GPHN: variants seen among roughly 807,000 people sequenced by gnomAD.
The protein encoded by GPHN is gephyrin.
Under a neutral mutation model 95.5 loss-of-function variants are expected in GPHN, and 17 were observed. The ratio of observed to expected loss-of-function variants is 0.18; its 90% CI spans 0.12 to 0.27. The LOEUF (loss-of-function observed/expected upper bound fraction) is 0.27. Among genes scored for constraint, GPHN ranks in the 10% least tolerant of loss-of-function variants. GPHN has a pLI of 1.00. For synonymous variants in GPHN, 320 were observed against 322.5 expected (o/e 0.99, Z 0.08); for missense variants, 660 against 978.1 (o/e 0.67, Z 4.34).
the GPHN span, chr14:67,651,526 C>T: frequency 1.2e-6 from 2 of 1,603,798 alleles, no homozygotes; most frequent in Non-Finnish European, 1.7e-6. Context: ...GTTTGGATAA[C>T]CTTCCTTCTA....
At position 67,097,895 on chromosome 14, in the gene GPHN, T is replaced by C. The variant is rs143983433; in HGVS notation, c.1238-2961T>C. ...ACATATATAACATATACAGTACATA[T>C]AAATATACATACATACACGTATATA... On this transcript the variant is annotated intron_variant, in intron 12 of 22. Transcript: ENST00000478722. Among the ~76,000 whole-genome samples the C allele has an allele frequency of 2.1e-3, 321 of 152,234 alleles. 1 individual carries two copies. Among genetic ancestry groups the C allele is most frequent in the African/African-American group, 7.2e-3 (301 of 41,560 alleles).
intron 3 of GPHN, among the ~76,000 whole-genome samples, chr14:66,808,872 A>T (rs915968288): frequency 1.3e-5 from 2 of 152,228 alleles, no homozygotes; most frequent in Admixed American, 1.3e-4. Flanking sequence ...TTCCAACCAG[A>T]GTGTCAAGGA....
intron 3 of GPHN, among the ~76,000 whole-genome samples, chr14:66,796,176 A>ATGGC (rs2153474148): frequency 6.6e-6 from 1 of 152,200 alleles, no homozygotes; most frequent in Admixed American, 6.5e-5. Flanking sequence ...ATTCTTTTTT[A>ATGGC]TGGCTGAATT....
At chr14:67,317,947 G>T in the GPHN span, among the ~76,000 whole-genome samples, 1 of 152,202 alleles carries the variant, frequency 6.6e-6, no homozygotes, top group Admixed American at 6.5e-5. Flanking sequence ...CTCTGATAAT[G>T]TTGGGCTAGT....
chr14:67,279,365 C>A, the GPHN span: 2 of 1,613,628 alleles, frequency 1.2e-6, no homozygotes, highest in African/African-American at 2.7e-5. Flanking sequence ...AACAGGAGGA[C>A]ATGAGGCGTA....
chr14:67,412,260 A>G, the GPHN span: 3 of 465,934 alleles, frequency 6.4e-6, no homozygotes, highest in Non-Finnish European at 1.1e-5. Flanking sequence ...TTCTGACGTG[A>G]CGTTTCCACC....
chr14:66,608,225 C>T (rs2062632479), intron 1 of GPHN, among the ~76,000 whole-genome samples: 1 of 151,560 alleles, frequency 6.6e-6, no homozygotes, highest in Non-Finnish European at 1.5e-5. Flanking sequence ...TGGTTTCTGC[C>T]TTCATTTCAT....
the GPHN span, chr14:67,562,939 C>T: frequency 5.1e-6 from 8 of 1,569,584 alleles, no homozygotes; most frequent in Non-Finnish European, 6.9e-6. Flanking sequence ...GAGCTAATGG[C>T]AAGAACACTG....
chr14:66,701,257 C>T (rs1371666711), intron 2 of GPHN, among the ~76,000 whole-genome samples: 7 of 151,854 alleles, frequency 4.6e-5, no homozygotes, highest in African/African-American at 1.2e-4. Context: ...GCATATTTCT[C>T]TTTTTTTTAC....
the GPHN span, among the ~76,000 whole-genome samples, chr14:67,421,552 A>G: frequency 6.6e-6 from 1 of 152,184 alleles, no homozygotes; most frequent in African/African-American, 2.4e-5. Context: ...AGAAAAAGTG[A>G]TGACGGCAGC....
At chr14:67,102,049 T>G (rs1030792445) in intron 13 of GPHN, among the ~76,000 whole-genome samples, 8 of 151,820 alleles carry the variant, frequency 5.3e-5, no homozygotes, top group African/African-American at 1.9e-4. Context: ...TTTTTTTGTA[T>G]TTTTAGTAGA....
At chr14:67,641,623 G>T in the GPHN span, among the ~76,000 whole-genome samples, 1 of 152,120 alleles carries the variant, frequency 6.6e-6, no homozygotes, top group Non-Finnish European at 1.5e-5. Flanking sequence ...GTTTCAGATT[G>T]GCTATTTATA....
intron 2 of GPHN, among the ~76,000 whole-genome samples, chr14:66,748,473 C>T (rs1037654295): frequency 1.3e-5 from 2 of 151,940 alleles, no homozygotes; most frequent in Non-Finnish European, 2.9e-5. Context: ...CCATTATCAA[C>T]ATTCTTTACC....
chr14:67,045,722 T>G (rs1157506881), intron 10 of GPHN, among the ~76,000 whole-genome samples: 1 of 151,586 alleles, frequency 6.6e-6, no homozygotes, highest in African/African-American at 2.4e-5. Flanking sequence ...TCTCTCTCTG[T>G]CTGTCTCTCT....
intron 10 of GPHN, among the ~76,000 whole-genome samples, chr14:67,036,683 T>G (rs1326115452): frequency 6.6e-6 from 1 of 151,634 alleles, no homozygotes; most frequent in Non-Finnish European, 1.5e-5. Context: ...AAAATCCCAT[T>G]TACAATAGCA....
At chr14:66,655,981 A>G (rs182305797) in intron 1 of GPHN, among the ~76,000 whole-genome samples, 1 of 152,224 alleles carries the variant, frequency 6.6e-6, no homozygotes. Context: ...TTTTATATGT[A>G]ATTCTGAATT....
intron 17 of GPHN, among the ~76,000 whole-genome samples, chr14:67,122,724 A>G (rs2079081755): frequency 6.6e-6 from 1 of 152,222 alleles, no homozygotes; most frequent in Admixed American, 6.5e-5. Flanking sequence ...AAGCATAGGT[A>G]AGAAGAGAAA....
chr14:66,861,995 C>T (rs1596185928), intron 4 of GPHN, among the ~76,000 whole-genome samples: 1 of 151,664 alleles, frequency 6.6e-6, no homozygotes, highest in African/African-American at 2.4e-5. Flanking sequence ...ACGATCAGAA[C>T]AGAGATAAAT....
intron 1 of GPHN, among the ~76,000 whole-genome samples, chr14:66,624,878 G>A (rs1412842616): frequency 1.3e-5 from 2 of 152,286 alleles, no homozygotes; most frequent in East Asian, 3.9e-4. Context: ...GCTCTTGCCA[G>A]TTACTTCACT....
Sources: allele counts gnomAD v4.1 joint callset (sites outside exome capture counted in the v4.1 genomes callset), GRCh38; gene constraint gnomAD v4.1.1; transcripts MANE v1.5; gene names NCBI Gene and HGNC (gene_info 2026-07-23, HGNC 2026-07-21).